Variants in CENPW observed in about 807,000 individuals in gnomAD.
CENPW encodes centromere protein W, also known as cancer-up-regulated gene 2 protein.
In CENPW, 3 loss-of-function variants were observed where a neutral mutation model predicts 11.1. The observed-to-expected ratio is 0.27, with a 90% CI of 0.12 to 0.70. The LOEUF is 0.70. Ranked by LOEUF, CENPW falls within the 30% of genes least tolerant of loss-of-function variation. CENPW has a pLI of 0.77. For synonymous variants in CENPW, 38 were observed against 42.0 expected (o/e 0.91, Z 0.37); for missense variants, 100 against 105.6 (o/e 0.95, Z 0.23).
downstream of CENPW, among the ~76,000 whole-genome samples, chr6:126,349,037 A>G (rs1780460131): frequency 6.6e-6 from 1 of 152,056 alleles, no homozygotes; most frequent in South Asian, 2.1e-4. Context: ...TCTCCCTCCC[A>G]AAACCAAAAT....
the CENPW span, among the ~76,000 whole-genome samples, chr6:126,445,586 T>TAC: frequency 6.6e-6 from 1 of 151,128 alleles, no homozygotes; most frequent in African/African-American, 2.4e-5. Flanking sequence ...TATCCTACCA[T>TAC]ACAATTTAGT....
the CENPW span, among the ~76,000 whole-genome samples, chr6:126,399,789 A>G: frequency 6.6e-6 from 1 of 152,052 alleles, no homozygotes; most frequent in South Asian, 2.1e-4. Flanking sequence ...TCATGGTTAG[A>G]ATATTTCAGT....
At chr6:126,460,107 C>A in the CENPW span, among the ~76,000 whole-genome samples, 1 of 151,452 alleles carries the variant, frequency 6.6e-6, no homozygotes, top group Non-Finnish European at 1.5e-5. Context: ...AAAGCTTACA[C>A]CAAATTTTCG....
chr6:126,343,105 T>G (rs556900102), intron 1 of CENPW, among the ~76,000 whole-genome samples: 1 of 152,332 alleles, frequency 6.6e-6, no homozygotes, highest in African/African-American at 2.4e-5. Flanking sequence ...CCAGTCTTTC[T>G]GTCAACTGAG....
At chr6:126,458,688 A>G in the CENPW span, among the ~76,000 whole-genome samples, 1 of 151,370 alleles carries the variant, frequency 6.6e-6, no homozygotes, top group African/African-American at 2.4e-5. Context: ...TATTAATGGC[A>G]TTACCTATAT....
chr6:126,460,199 G>A, the CENPW span, among the ~76,000 whole-genome samples: 1 of 151,614 alleles, frequency 6.6e-6, no homozygotes, highest in South Asian at 2.1e-4. Flanking sequence ...GGATCAGGGG[G>A]TGAGGATTTG....
chr6:126,403,256 G>A, the CENPW span, among the ~76,000 whole-genome samples: 1,080 of 152,182 alleles, frequency 7.1e-3, 5 homozygotes, highest in Non-Finnish European at 1.0e-2. Flanking sequence ...AAGTATTTAA[G>A]GAAAGGAGAA....
downstream of CENPW, among the ~76,000 whole-genome samples, chr6:126,350,424 G>A (rs966922157): frequency 6.6e-6 from 1 of 152,004 alleles, no homozygotes; most frequent in African/African-American, 2.4e-5. Flanking sequence ...GAGGAAAAAA[G>A]GCCAGAGAGC....
chr6:126,415,736 C>G, the CENPW span, among the ~76,000 whole-genome samples: 3 of 152,164 alleles, frequency 2.0e-5, no homozygotes, highest in Non-Finnish European at 4.4e-5. Context: ...TGCATACGCT[C>G]TATTCTCTTG....
At chr6:126,465,644 GTA>G in the CENPW span, among the ~76,000 whole-genome samples, 10 of 151,968 alleles carry the variant, frequency 6.6e-5, no homozygotes, top group Admixed American at 2.6e-4. Context: ...AATCAAAACA[GTA>G]TGTTTTTGAC....
chr6:126,344,731 C>T lies in CENPW; in HGVS notation c.127-1474C>T, dbSNP rs113339556. On this transcript the variant is annotated intron_variant, in intron 1 of 2. Coordinates refer to ENST00000368328, the MANE Select transcript of CENPW (RefSeq NM_001012507.4). ...CATATTGTTTAAATTCCCAAACCTC[C>T]GTTTTCTCCACATATCACTAGAACA... 5.9e-3 allele frequency among the ~76,000 whole-genome samples: 891 copies of T among 152,208 alleles called. 5 individuals are homozygous for T. Among genetic ancestry groups the T allele is most frequent in the African/African-American group, 0.019 (788 of 41,528 alleles).
chr6:126,462,160 T>C, the CENPW span, among the ~76,000 whole-genome samples: 4 of 152,042 alleles, frequency 2.6e-5, no homozygotes, highest in South Asian at 6.2e-4. Flanking sequence ...TTTATCTTTA[T>C]TTTTTATCAT....
chr6:126,461,376 A>C, the CENPW span, among the ~76,000 whole-genome samples: 1 of 152,064 alleles, frequency 6.6e-6, no homozygotes, highest in African/African-American at 2.4e-5. Context: ...AGCAGCATGC[A>C]AATGGACTAA....
At chr6:126,426,414 A>G in the CENPW span, among the ~76,000 whole-genome samples, 1 of 152,182 alleles carries the variant, frequency 6.6e-6, no homozygotes, top group Non-Finnish European at 1.5e-5. Context: ...AAAGATTCCT[A>G]AGAATCTTCA....
chr6:126,410,491 G>A, the CENPW span, among the ~76,000 whole-genome samples: 5 of 151,944 alleles, frequency 3.3e-5, no homozygotes, highest in Non-Finnish European at 7.4e-5. Flanking sequence ...TTTCTGGGTT[G>A]AATCTATTTT....
the CENPW span, among the ~76,000 whole-genome samples, chr6:126,388,657 T>C: frequency 6.6e-6 from 1 of 151,996 alleles, no homozygotes; most frequent in Non-Finnish European, 1.5e-5. Flanking sequence ...ACTTGGTTGA[T>C]GTACTTGGAG....
chr6:126,359,859 A>G, the CENPW span, among the ~76,000 whole-genome samples: 1 of 151,196 alleles, frequency 6.6e-6, no homozygotes, highest in African/African-American at 2.4e-5. Context: ...AAGACAGCAG[A>G]TAGTTGGGTC....
the CENPW span, among the ~76,000 whole-genome samples, chr6:126,408,359 T>C: frequency 6.6e-6 from 1 of 152,180 alleles, no homozygotes; most frequent in Non-Finnish European, 1.5e-5. Flanking sequence ...ATGTCTTACA[T>C]GCTGGCAGAC....
At chr6:126,449,684 C>T in the CENPW span, among the ~76,000 whole-genome samples, 1 of 150,948 alleles carries the variant, frequency 6.6e-6, no homozygotes, top group East Asian at 1.9e-4. Flanking sequence ...TGATTTTTAT[C>T]GCCAGTACAA....
Sources: gnomAD v4.1 joint callset for allele counts (sites outside exome capture counted in the v4.1 genomes callset) on GRCh38, gnomAD v4.1.1 for gene constraint, MANE v1.5 for transcripts, NCBI Gene and HGNC (gene_info 2026-07-23, HGNC 2026-07-21) for gene names.